Variants in RABGAP1L observed in about 807,000 individuals in gnomAD.
RABGAP1L encodes the protein rab GTPase-activating protein 1-like.
Under a neutral mutation model 137.7 loss-of-function variants are expected in RABGAP1L, and 63 were observed. That is an observed-to-expected ratio of 0.46 (90% confidence interval 0.37 to 0.56). The LOEUF is 0.56. Among genes scored for constraint, RABGAP1L ranks in the 20% least tolerant of loss-of-function variants. The pLI, the probability that RABGAP1L is intolerant of heterozygous loss-of-function variation, is 0.00. For missense variants in RABGAP1L, 1,095 were observed against 1,244.0 expected (o/e 0.88, Z 1.80); for synonymous variants, 431 against 433.7 (o/e 0.99, Z 0.08).
At chr1:174,366,418 C>CTTTAAACACCAACAT (rs1684612086) in intron 11 of RABGAP1L, among the ~76,000 whole-genome samples, 1 of 152,222 alleles carries the variant, frequency 6.6e-6, no homozygotes, top group South Asian at 2.1e-4. Flanking sequence ...CATTTACAGC[C>CTTTAAACACCAACAT]TTTAAACACC....
chr1:174,771,963 G>C (rs531033109), intron 18 of RABGAP1L, among the ~76,000 whole-genome samples: 34 of 152,222 alleles, frequency 2.2e-4, no homozygotes, highest in Non-Finnish European at 4.4e-4. Context: ...ACTTTGGAAG[G>C]CCGAGGCAGG....
intron 13 of RABGAP1L, among the ~76,000 whole-genome samples, chr1:174,447,690 A>C (rs968670231): frequency 2.6e-5 from 4 of 152,180 alleles, no homozygotes; most frequent in African/African-American, 7.2e-5. Flanking sequence ...AGAACAGCCC[A>C]CAGAAGCTTT....
chr1:174,718,831 C>A (rs954935120), intron 17 of RABGAP1L, among the ~76,000 whole-genome samples: 1 of 117,456 alleles, frequency 8.5e-6, no homozygotes, highest in Non-Finnish European at 1.7e-5. Flanking sequence ...GTTTTCTTTT[C>A]TTTTCCTTTT....
At chr1:174,438,744 G>GTGTGTGTATA (rs1161311071) in intron 13 of RABGAP1L, among the ~76,000 whole-genome samples, 2 of 95,456 alleles carry the variant, frequency 2.1e-5, no homozygotes, top group African/African-American at 9.5e-5. Context: ...GTGTGTGTGT[G>GTGTGTGTATA]TATATATATA....
chr1:174,174,995 T>G (rs566694523), intron 1 of RABGAP1L, among the ~76,000 whole-genome samples: 1 of 152,366 alleles, frequency 6.6e-6, no homozygotes, highest in African/African-American at 2.4e-5. Flanking sequence ...ACAGTAAATT[T>G]ATGAAGGTGT....
At chr1:174,935,422 GT>G (rs1202018270) in intron 19 of RABGAP1L, 1 of 152,074 alleles carries the variant, frequency 6.6e-6, no homozygotes, top group Non-Finnish European at 1.5e-5. Context: ...AGGAGATGAA[GT>G]TTCACGTAAT....
At chr1:174,933,418 C>A (rs561611722) in intron 19 of RABGAP1L, among the ~76,000 whole-genome samples, 1 of 152,140 alleles carries the variant, frequency 6.6e-6, no homozygotes, top group Non-Finnish European at 1.5e-5. Flanking sequence ...TATTACGATG[C>A]TTGGGCCAGG....
chr1:174,228,512 T>C (rs1028265703), intron 3 of RABGAP1L, among the ~76,000 whole-genome samples: 8 of 152,138 alleles, frequency 5.3e-5, no homozygotes, highest in Non-Finnish European at 7.4e-5. Context: ...TATAATAATA[T>C]AATACAAAGT....
At position 174,470,318 on chromosome 1, in the gene RABGAP1L, C is replaced by T. The variant is rs557121374; in HGVS notation, c.1710+76173C>T. Among the ~76,000 whole-genome samples, 4 of 152,280 alleles carry T rather than the reference C, an allele frequency of 2.6e-5. No homozygotes were observed. The East Asian group carries it at 7.7e-4, about 29-fold the overall frequency. On this transcript the variant is annotated intron_variant, in intron 13 of 25. Coordinates refer to ENST00000681986, the MANE Select transcript of RABGAP1L (RefSeq NM_001366446.1). ...AAATGTAATTTTACATATGTACATT[C>T]TATGTAAATTTGTTTGTATCAGAGA...
chr1:174,589,310 T>A (rs1572419074), intron 13 of RABGAP1L, among the ~76,000 whole-genome samples: 1 of 152,250 alleles, frequency 6.6e-6, no homozygotes, highest in Admixed American at 6.5e-5. Flanking sequence ...TAGATTTTTT[T>A]TCTATTGAGT....
chr1:174,350,636 A>G (rs1325477018), intron 11 of RABGAP1L, among the ~76,000 whole-genome samples: 3 of 42,110 alleles, frequency 7.1e-5, no homozygotes, highest in East Asian at 1.1e-3. Context: ...GGCTCCTCAC[A>G]TCCCAGACGA....
At chr1:174,888,406 G>C (rs1655545242) in intron 19 of RABGAP1L, among the ~76,000 whole-genome samples, 2 of 152,084 alleles carry the variant, frequency 1.3e-5, no homozygotes, top group Admixed American at 6.6e-5. Context: ...ATTTTTACAA[G>C]TCTTTTCTTT....
At position 174,859,343 on chromosome 1, in the gene RABGAP1L, C is replaced by T. The variant is rs894295118; in HGVS notation, c.2340+47383C>T. 3.3e-5 allele frequency among the ~76,000 whole-genome samples: 5 copies of T among 151,984 alleles called. No homozygotes were observed. In the East Asian group the frequency reaches 9.7e-4, roughly 29 times the overall value. Reference sequence around the variant, plus strand: ...AAAAATACAAAAAAAATTAGCCAGGCGTGGTGGCGGGTGCCTGTAGTCCCA... The same window carrying T: ...AAAAATACAAAAAAAATTAGCCAGGTGTGGTGGCGGGTGCCTGTAGTCCCA... On this transcript the variant is annotated intron_variant, in intron 19 of 25. Transcript: ENST00000681986.
chr1:174,788,363 T>C (rs1396282590), intron 18 of RABGAP1L, among the ~76,000 whole-genome samples: 1 of 152,176 alleles, frequency 6.6e-6, no homozygotes, highest in African/African-American at 2.4e-5. Flanking sequence ...TATTAGTGAG[T>C]TATACAAAGG....
At chr1:174,900,596 G>A (rs528502046) in intron 19 of RABGAP1L, among the ~76,000 whole-genome samples, 14 of 146,274 alleles carry the variant, frequency 9.6e-5, no homozygotes, top group Non-Finnish European at 1.7e-4. Flanking sequence ...AGTGTGGATC[G>A]GGCTTGTGTT....
chr1:174,732,416 C>G (rs1682560402), intron 17 of RABGAP1L, among the ~76,000 whole-genome samples: 1 of 152,116 alleles, frequency 6.6e-6, no homozygotes, highest in Admixed American at 6.5e-5. Context: ...TAATAGTAGA[C>G]TGTGGTATTT....
rs1381658872 is a variant in RABGAP1L at position 174,844,558 on chromosome 1, G to C, written c.2340+32598G>C. ...GTAGGTATGCGGCGTTATTTCTGAG[G>C]GCTCTGTTCTGTTCCATTGATCTAT... On this transcript the variant is annotated intron_variant, in intron 19 of 25. Coordinates refer to ENST00000681986, the MANE Select transcript of RABGAP1L (RefSeq NM_001366446.1). Among the ~76,000 whole-genome samples, 4 of 98,246 alleles carry C rather than the reference G, an allele frequency of 4.1e-5. No homozygotes were observed. The South Asian group carries it at 1.7e-3, about 42-fold the overall frequency. The allele number at this position is 98,246 out of a possible 152,430, so 64.5% of individuals were successfully genotyped here.
intron 17 of RABGAP1L, among the ~76,000 whole-genome samples, chr1:174,748,531 G>A (rs747817037): frequency 2.0e-5 from 3 of 152,128 alleles, no homozygotes; most frequent in Non-Finnish European, 2.9e-5. Flanking sequence ...TGTGCCCAAG[G>A]TGATTGGGTT....
chr1:174,851,841 A>G (rs1243896244), intron 19 of RABGAP1L, among the ~76,000 whole-genome samples: 1 of 152,052 alleles, frequency 6.6e-6, no homozygotes, highest in African/African-American at 2.4e-5. Context: ...TGTCTTAGGA[A>G]ATTAACTCCT....
Sources: allele counts gnomAD v4.1 joint callset (sites outside exome capture counted in the v4.1 genomes callset), GRCh38; gene constraint gnomAD v4.1.1; transcripts MANE v1.5; gene names NCBI Gene and HGNC (gene_info 2026-07-23, HGNC 2026-07-21).